LY86: variants seen among roughly 807,000 people sequenced by gnomAD.
The protein encoded by LY86 is MD-1, RP105-associated.
A neutral mutation model predicts 17.3 loss-of-function variants in LY86; 20 were observed. That is an observed-to-expected ratio of 1.15 (90% CI 0.81 to 1.68). The LOEUF is 1.68. Among genes scored for constraint, LY86 ranks in the 40% most tolerant of loss-of-function variants. LY86 has a pLI of 0.00. For missense variants in LY86, 200 were observed against 191.9 expected, an observed-to-expected ratio of 1.04 and a Z score of -0.25; for synonymous variants, 74 against 70.6, an observed-to-expected ratio of 1.05 and a Z score of -0.24.
intron 1 of LY86, among the ~76,000 whole-genome samples, chr6:6,615,003 C>T (rs1761518441): frequency 1.3e-5 from 2 of 152,138 alleles, no homozygotes; most frequent in Admixed American, 1.3e-4. Flanking sequence ...TTCTGTACAC[C>T]TTGTGAAATG....
chr6:6,628,292 C>T (rs1298577483), intron 3 of LY86, among the ~76,000 whole-genome samples: 2 of 138,560 alleles, frequency 1.4e-5, no homozygotes, highest in Non-Finnish European at 3.1e-5. Flanking sequence ...CTTCCTCCCT[C>T]CCTCCCCTTC....
chr6:6,633,580 C>T lies in LY86; in HGVS notation c.352+7159C>T, dbSNP rs149809902. On this transcript the variant is annotated intron_variant, in intron 3 of 4. Coordinates refer to ENST00000230568, the MANE Select transcript of LY86 (RefSeq NM_004271.4). ...TAGCTATTTTTCCGATGCTCTCCCT[C>T]CTCCCATCCCCCACCCTCCAACAGA... Among the ~76,000 whole-genome samples, 925 of 152,158 alleles carry T rather than the reference C, an allele frequency of 6.1e-3. 3 individuals are homozygous for T. Among genetic ancestry groups the T allele is most frequent in the Non-Finnish European group, 9.7e-3 (657 of 67,996 alleles).
chr6:6,646,424 TG>T (rs1188134854), intron 3 of LY86, among the ~76,000 whole-genome samples: 2 of 152,214 alleles, frequency 1.3e-5, no homozygotes, highest in Non-Finnish European at 2.9e-5. Context: ...AATACTGATG[TG>T]GATGGCCCAC....
At chr6:6,631,286 G>A (rs1761893904) in intron 3 of LY86, among the ~76,000 whole-genome samples, 1 of 152,098 alleles carries the variant, frequency 6.6e-6, no homozygotes, top group Non-Finnish European at 1.5e-5. Context: ...TATCAGATGA[G>A]GAAATTGAGT....
At chr6:6,648,284 T>G (rs577548142) in intron 3 of LY86, among the ~76,000 whole-genome samples, 1 of 152,326 alleles carries the variant, frequency 6.6e-6, no homozygotes, top group East Asian at 1.9e-4. Context: ...AAATTAGCTA[T>G]TTTGACATGA....
At chr6:6,602,218 T>C (rs1457277208) in intron 1 of LY86, among the ~76,000 whole-genome samples, 2 of 152,222 alleles carry the variant, frequency 1.3e-5, no homozygotes, top group East Asian at 1.9e-4. Flanking sequence ...CTTGTTCAGT[T>C]TGGAATATTC....
At chr6:6,606,355 T>G (rs1402096605) in intron 1 of LY86, among the ~76,000 whole-genome samples, 1 of 152,018 alleles carries the variant, frequency 6.6e-6, no homozygotes, top group Non-Finnish European at 1.5e-5. Context: ...ATCCCTTAGG[T>G]AGACATAAAG....
chr6:6,609,951 A>G (rs1761289701), intron 1 of LY86, among the ~76,000 whole-genome samples: 1 of 152,086 alleles, frequency 6.6e-6, no homozygotes, highest in Non-Finnish European at 1.5e-5. Flanking sequence ...CTGGCAAGGA[A>G]GGGTGCTGGC....
At chr6:6,644,250 G>C (rs1762079408) in intron 3 of LY86, among the ~76,000 whole-genome samples, 1 of 152,156 alleles carries the variant, frequency 6.6e-6, no homozygotes, top group Non-Finnish European at 1.5e-5. Context: ...CCAGCCGGGT[G>C]CAGTGGTTCA....
At chr6:6,637,011 T>TG (rs1357388975) in intron 3 of LY86, among the ~76,000 whole-genome samples, 4 of 147,942 alleles carry the variant, frequency 2.7e-5, no homozygotes, top group Non-Finnish European at 6.0e-5. Context: ...TTGGTTTTTT[T>TG]TTTTTTTTTT....
chr6:6,612,541 A>T (rs1168611237), intron 1 of LY86, among the ~76,000 whole-genome samples: 1 of 152,220 alleles, frequency 6.6e-6, no homozygotes, highest in African/African-American at 2.4e-5. Context: ...ACCACACAAA[A>T]GCAACGAAAC....
intron 1 of LY86, among the ~76,000 whole-genome samples, chr6:6,590,474 A>G (rs74873394): frequency 0.018 from 2,707 of 152,174 alleles, 86 homozygotes; most frequent in African/African-American, 0.062. Context: ...CAGTTGGCTG[A>G]GAGTAACCGA....
intron 1 of LY86, among the ~76,000 whole-genome samples, chr6:6,613,200 C>T (rs1761438091): frequency 6.6e-6 from 1 of 151,652 alleles, no homozygotes; most frequent in South Asian, 2.1e-4. Context: ...GACTCAGGAG[C>T]CCAGCTGGCT....
At chr6:6,598,127 T>C (rs1378977995) in intron 1 of LY86, among the ~76,000 whole-genome samples, 1 of 152,252 alleles carries the variant, frequency 6.6e-6, no homozygotes, top group Non-Finnish European at 1.5e-5. Context: ...CTTACACAAC[T>C]AGTAAGTCAA....
intron 3 of LY86, among the ~76,000 whole-genome samples, chr6:6,646,518 T>C (rs1039284738): frequency 2.0e-5 from 3 of 152,210 alleles, no homozygotes; most frequent in African/African-American, 7.2e-5. Context: ...CCATCTCTTA[T>C]GTCAACCCTG....
At chr6:6,590,950 T>TA (rs1760508226) in intron 1 of LY86, among the ~76,000 whole-genome samples, 1 of 152,048 alleles carries the variant, frequency 6.6e-6, no homozygotes, top group Non-Finnish European at 1.5e-5. Context: ...AAATTAAAAA[T>TA]AAGTAAAAGA....
At chr6:6,602,845 C>T (rs1760954950) in intron 1 of LY86, among the ~76,000 whole-genome samples, 1 of 152,136 alleles carries the variant, frequency 6.6e-6, no homozygotes. Flanking sequence ...CTCCCACAGT[C>T]ACAGAAAGCC....
At chr6:6,649,071 C>T (rs914766684) in intron 3 of LY86, among the ~76,000 whole-genome samples, 3 of 152,228 alleles carry the variant, frequency 2.0e-5, no homozygotes, top group Admixed American at 2.0e-4. Context: ...AACAGACTCA[C>T]AGTTCCAGAG....
chr6:6,630,604 G>A (rs534675613), intron 3 of LY86, among the ~76,000 whole-genome samples: 32 of 152,328 alleles, frequency 2.1e-4, no homozygotes, highest in African/African-American at 7.7e-4. Flanking sequence ...TAGCCCAAAG[G>A]AGGGAAGCTG....
Sources: gnomAD v4.1 joint callset for allele counts (sites outside exome capture counted in the v4.1 genomes callset) on GRCh38, gnomAD v4.1.1 for gene constraint, MANE v1.5 for transcripts, NCBI Gene and HGNC (gene_info 2026-07-23, HGNC 2026-07-21) for gene names.